Variants in LRRK1 observed in about 807,000 individuals in gnomAD.
LRRK1 encodes leucine rich repeat kinase 1, also known as leucine-rich repeat serine/threonine-protein kinase 1.
LRRK1 carries 113 observed loss-of-function variants against 209.1 expected under a neutral mutation model. That is an observed-to-expected ratio of 0.54 (90% CI 0.46 to 0.63). LRRK1 has a LOEUF of 0.63. LRRK1 is among the 30% of genes least tolerant of loss of function. The pLI, the probability that LRRK1 is intolerant of heterozygous loss-of-function variation, is 0.00. For missense variants in LRRK1, 2,284 were observed against 2,632.2 expected, an observed-to-expected ratio of 0.87 and a Z score of 2.89; for synonymous variants, 1,144 against 1,099.7, an observed-to-expected ratio of 1.04 and a Z score of -0.80.
chr15:101,051,477 A>G (rs2035432994), intron 23 of LRRK1, among the ~76,000 whole-genome samples: 1 of 152,174 alleles, frequency 6.6e-6, no homozygotes, highest in Admixed American at 6.5e-5. Context: ...ACCACTGGAC[A>G]GTTCTCGGAA....
rs1351909744 is a variant in LRRK1, at chr15:101,048,542, A to C, written c.3184A>C (p.Ile1062Leu). The C allele has an allele frequency of 5.0e-6, 8 of 1,597,328 alleles. No homozygotes were observed. The highest frequency in any genetic ancestry group is 6.8e-6 in the Non-Finnish European group (8 of 1,175,108). ...NTKSRNRKVTIYSFTGNQRNR... is the reference protein window; with the variant it reads ...NTKSRNRKVTLYSFTGNQRNR... ...TAAAAGCAGGAACAGGAAAGTCACC[A>C]TTTACAGTTTTACAGGAAACCAGAG... Residue 1062 changes from isoleucine to leucine, a missense_variant, in exon 22 of 34, where the codon ATT becomes CTT. By Grantham distance (5) the Ile-to-Leu change is conservative. Coordinates refer to ENST00000388948, the MANE Select transcript of LRRK1 (RefSeq NM_024652.6).
Position 101,048,487 on chromosome 15 carries a change from C to G in LRRK1, c.3136-7C>G. On this transcript the variant is annotated splice_polypyrimidine_tract_variant and splice_region_variant and intron_variant, in intron 21 of 33. Coordinates refer to ENST00000388948, the MANE Select transcript of LRRK1 (RefSeq NM_024652.6). Reference sequence around the variant, plus strand: ...TACTTAAGCAGGGTCTTTTCTCTGTCTTTCAGCTTTTTGAAAACAAGAAGA... The same window carrying G: ...TACTTAAGCAGGGTCTTTTCTCTGTGTTTCAGCTTTTTGAAAACAAGAAGA... 1.2e-6 allele frequency: 2 copies of G among 1,602,664 alleles called. No homozygotes were observed. The highest frequency in any genetic ancestry group is 1.7e-6 in the Non-Finnish European group (2 of 1,176,392).
At chr15:101,037,182 G>C (rs1405388134) in intron 20 of LRRK1, among the ~76,000 whole-genome samples, 3 of 152,210 alleles carry the variant, frequency 2.0e-5, no homozygotes, top group African/African-American at 4.8e-5. Flanking sequence ...GGTAATGGCA[G>C]TGGAAGTGGC....
At position 101,026,073 on chromosome 15, in the gene LRRK1, C is replaced by T; in HGVS notation, c.2341C>T (p.Leu781Phe). The change falls in exon 17 of 34, where the codon CTC (leucine) becomes TTC (phenylalanine). Residue 781 changes from leucine to phenylalanine, a missense_variant. Around this residue, in one of 6 missense-constraint regions of LRRK1, gnomAD observed 780 missense variants for 985.2 expected, o/e 0.79. Transcript: ENST00000388948. ...AACGCTGCGTGCCTATGTGCTGGCA[C>T]TCTGCCGCTCCCCCTCCGGCTCCAG... Reference protein sequence around the residue: ...IATLRAYVLALCRSPSGSRAT... With the variant: ...IATLRAYVLAFCRSPSGSRAT... 1.2e-6 allele frequency: 2 copies of T among 1,614,270 alleles called. No homozygotes were observed. The highest frequency in any genetic ancestry group is 1.7e-6 in the Non-Finnish European group (2 of 1,180,046).
chr15:100,951,044 A>C (rs999504670), intron 2 of LRRK1, among the ~76,000 whole-genome samples: 3 of 152,224 alleles, frequency 2.0e-5, no homozygotes, highest in Non-Finnish European at 4.4e-5. Flanking sequence ...CGGAGCTTGC[A>C]GGGAGCAGAG....
At chr15:101,029,267 G>T (rs764517389) in intron 20 of LRRK1, 35 bp downstream of exon 20, 17 of 1,567,352 alleles carry the variant, frequency 1.1e-5, no homozygotes, top group South Asian at 2.4e-5. Flanking sequence ...GGCTGTGCAG[G>T]TTGCTCCCCG....
At position 101,032,691 on chromosome 15, in the gene LRRK1, T is replaced by C. The variant is rs775908483; in HGVS notation, c.2963+3459T>C. Among the ~76,000 whole-genome samples, 18 of 152,320 alleles carry C rather than the reference T, an allele frequency of 1.2e-4. 1 individual carries two copies. The Middle Eastern group carries it at 0.01, about 86-fold the overall frequency. ...ATTAATTTTTGTATATGGGGTGAAG[T>C]AGGGGTCGAGGTCCATTTTTTTCCT... On this transcript the variant is annotated intron_variant, in intron 20 of 33. Coordinates refer to ENST00000388948, the MANE Select transcript of LRRK1 (RefSeq NM_024652.6).
intron 26 of LRRK1, among the ~76,000 whole-genome samples, chr15:101,054,218 C>T (rs1193329998): frequency 6.6e-6 from 1 of 152,202 alleles, no homozygotes; most frequent in East Asian, 1.9e-4. Context: ...AGTCGATCCC[C>T]CCACTTTAGC....
At chr15:100,952,741 T>C (rs2042679429) in intron 2 of LRRK1, among the ~76,000 whole-genome samples, 1 of 152,240 alleles carries the variant, frequency 6.6e-6, no homozygotes, top group African/African-American at 2.4e-5. Context: ...CCACGTTTTA[T>C]CACAGTAATC....
At chr15:100,941,097 A>G (rs1440931188) in intron 2 of LRRK1, among the ~76,000 whole-genome samples, 1 of 152,112 alleles carries the variant, frequency 6.6e-6, no homozygotes, top group Non-Finnish European at 1.5e-5. Flanking sequence ...AAGAGGAAAC[A>G]TAAATATTTT....
intron 20 of LRRK1, among the ~76,000 whole-genome samples, chr15:101,044,649 C>T (rs2034955926): frequency 6.6e-6 from 1 of 152,252 alleles, no homozygotes; most frequent in African/African-American, 2.4e-5. Context: ...TTCTGTGTGC[C>T]ACCGCACATC....
rs758062446 is a variant in LRRK1, at chr15:101,051,804, C to T, written c.3533C>T (p.Pro1178Leu). ...ACAGCCTGGGCCCAGCACACGGACC[C>T]CAGTGAGAAATCAGAGGATGTGCAG... ...CETAWAQHTDPSEKSEDVQYF... is the reference protein window; with the variant it reads ...CETAWAQHTDLSEKSEDVQYF... The change falls in exon 24 of 34, where the codon CCC becomes CTC. Residue 1178 changes from proline to leucine, a missense_variant. Physicochemically the swap from Pro to Leu is moderately conservative, Grantham distance 98. This residue lies in a region of LRRK1 where 780 missense variants were observed against 985.2 expected (regional missense o/e 0.79). Coordinates refer to ENST00000388948, the MANE Select transcript of LRRK1 (RefSeq NM_024652.6). 5.0e-6 allele frequency: 8 copies of T among 1,613,976 alleles called. No homozygotes were observed. The East Asian group carries it at 1.8e-4, about 36-fold the overall frequency.
chr15:100,973,320 G>A (rs893571242), intron 2 of LRRK1, among the ~76,000 whole-genome samples: 14 of 152,232 alleles, frequency 9.2e-5, no homozygotes, highest in African/African-American at 3.4e-4. Flanking sequence ...TGGAGTGAGG[G>A]CGGCTGATTT....
chr15:101,027,787 C>A lies in LRRK1; in HGVS notation c.2676C>A (p.Asp892Glu). Residue 892 changes from aspartate (D) to glutamate (E), a missense_variant, in exon 19 of 34, where the codon GAC (aspartate) becomes GAA (glutamate). Physicochemically the swap from Asp to Glu is conservative, Grantham distance 45. Coordinates refer to ENST00000388948, the MANE Select transcript of LRRK1 (RefSeq NM_024652.6). This position sits in a 1 kb window ranked among gnomAD's most constrained non-coding sequence, Gnocchi z 5.1. The stretch of plus-strand genomic sequence containing the variant: ...ACAACGACATCAAGGACTACGAGGA[C>A]CTGCAGTCAGGTGGGTGGGGCTGGG... ...TPDNDIKDYEDLQSAISFLIE... is the reference protein window; with the variant it reads ...TPDNDIKDYEELQSAISFLIE... 1 of 1,583,778 alleles carries A rather than the reference C, an allele frequency of 6.3e-7. No individual in the cohort carries two copies. Among genetic ancestry groups the A allele is most frequent in the South Asian group, 1.2e-5 (1 of 86,884 alleles).
At chr15:101,007,579 C>A (rs2033019520) in intron 6 of LRRK1, among the ~76,000 whole-genome samples, 1 of 152,210 alleles carries the variant, frequency 6.6e-6, no homozygotes, top group Admixed American at 6.5e-5. Flanking sequence ...CCAGGACTTG[C>A]GTGTGGCAGA....
rs1414502277 is a variant in LRRK1 at position 101,022,015 on chromosome 15, C to T, written c.1852+58C>T. 8 of 1,258,334 alleles carry T rather than the reference C, an allele frequency of 6.4e-6. No individual in the cohort carries two copies. The highest frequency in any genetic ancestry group is 5.9e-5 in the African/African-American group (4 of 67,690). 77.9% of individuals were successfully genotyped at this position (1,258,334 alleles called of 1,614,324 possible). On this transcript the variant is annotated intron_variant, in intron 14 of 33. Coordinates refer to ENST00000388948, the MANE Select transcript of LRRK1 (RefSeq NM_024652.6). This position sits in a 1 kb window ranked among gnomAD's most constrained non-coding sequence, Gnocchi z 4.0. ...ACCTCTTGGAAAGACAACTCCAGTCCACTTGTTAAGTTCTGGGGGTGGAGA... is the reference window on the plus strand; with the variant it reads ...ACCTCTTGGAAAGACAACTCCAGTCTACTTGTTAAGTTCTGGGGGTGGAGA...
intron 3 of LRRK1, among the ~76,000 whole-genome samples, chr15:100,979,525 C>T (rs2031484386): frequency 6.6e-6 from 1 of 151,926 alleles, no homozygotes; most frequent in Admixed American, 6.6e-5. Context: ...GATCACATGA[C>T]AATCTATACA....
At chr15:100,995,974 G>A (rs2032388594) in intron 6 of LRRK1, among the ~76,000 whole-genome samples, 1 of 152,244 alleles carries the variant, frequency 6.6e-6, no homozygotes, top group Non-Finnish European at 1.5e-5. Context: ...TCATGTCTGT[G>A]TGTCAGTGCC....
chr15:100,994,033 G>A (rs749867064), intron 6 of LRRK1, among the ~76,000 whole-genome samples: 10 of 152,144 alleles, frequency 6.6e-5, no homozygotes, highest in Non-Finnish European at 1.3e-4. Context: ...GCTATTAGCC[G>A]CACATCACCA....
Sources: gnomAD v4.1 joint callset for allele counts (sites outside exome capture counted in the v4.1 genomes callset) on GRCh38, gnomAD v4.1.1 for gene constraint, gnomAD v4.1.1 regional missense constraint, Gnocchi (gnomAD v3.1) non-coding constraint, MANE v1.5 for transcripts, NCBI Gene and HGNC (gene_info 2026-07-23, HGNC 2026-07-21) for gene names.